ATP13A4: variants seen among roughly 807,000 people sequenced by gnomAD.
ATP13A4 encodes the protein probable cation-transporting ATPase 13A4.
A neutral mutation model predicts 142.5 loss-of-function variants in ATP13A4; 114 were observed. The observed-to-expected ratio is 0.80, with a 90% confidence interval of 0.69 to 0.93. ATP13A4 has a LOEUF of 0.93. Among genes scored for constraint, ATP13A4 ranks in the 40% least tolerant of loss-of-function variants. The pLI is 0.00. For synonymous variants in ATP13A4, 488 were observed against 514.8 expected, an observed-to-expected ratio of 0.95 and a Z score of 0.70; for missense variants, 1,392 against 1,454.0, an observed-to-expected ratio of 0.96 and a Z score of 0.69.
chr3:193,427,312 C>A (rs941375345), intron 25 of ATP13A4, among the ~76,000 whole-genome samples: 6 of 152,122 alleles, frequency 3.9e-5, no homozygotes, highest in Non-Finnish European at 8.8e-5. Context: ...AGGACACAAA[C>A]AAATGGAAAA....
chr3:193,537,809 C>CCA (rs1200132820), intron 1 of ATP13A4, among the ~76,000 whole-genome samples: 1 of 152,034 alleles, frequency 6.6e-6, no homozygotes, highest in Non-Finnish European at 1.5e-5. Context: ...CAACCTGGGT[C>CCA]AATTTCCAAA....
upstream of ATP13A4, among the ~76,000 whole-genome samples, chr3:193,559,923 C>G (rs1221673386): frequency 1.3e-5 from 2 of 152,122 alleles, no homozygotes; most frequent in Non-Finnish European, 2.9e-5. Context: ...AAAACAAAAT[C>G]CAAAAGAGAT....
intron 1 of ATP13A4, among the ~76,000 whole-genome samples, chr3:193,529,839 TA>T (rs1722220506): frequency 6.6e-6 from 1 of 152,232 alleles, no homozygotes; most frequent in Non-Finnish European, 1.5e-5. Context: ...AGTTTGGCTC[TA>T]AACCAAACGA....
intron 8 of ATP13A4, among the ~76,000 whole-genome samples, chr3:193,471,405 CA>C (rs1168931214): frequency 6.6e-6 from 1 of 151,494 alleles, no homozygotes; most frequent in Non-Finnish European, 1.5e-5. Flanking sequence ...CTATCTTCAC[CA>C]AAAAATAAAA....
rs1333394485 is a variant in ATP13A4, at chr3:193,442,494, T to C, written c.2215A>G (p.Lys739Glu). 2 of 1,613,962 alleles carry C rather than the reference T, an allele frequency of 1.2e-6. No homozygotes were observed. The highest frequency in any genetic ancestry group is 2.2e-5 in the East Asian group (1 of 44,888). ...RKSGMVSESQ[K>E]VILIEANETT... is the part of the protein sequence containing the mutation. ...TCATTTGCCTCAATGAGAATGACTT[T>C]CTGGCTTTCAGAAACCATTCCAGAT... is the stretch of plus-strand genomic sequence containing the variant. Residue 739 changes from lysine to glutamate, a missense_variant, in exon 19 of 30, where the codon AAA becomes GAA. Coordinates refer to ENST00000342695, the MANE Select transcript of ATP13A4 (RefSeq NM_032279.4).
chr3:193,528,549 T>C (rs1017622298), intron 1 of ATP13A4, among the ~76,000 whole-genome samples: 1 of 152,116 alleles, frequency 6.6e-6, no homozygotes, highest in Non-Finnish European at 1.5e-5. Flanking sequence ...TTTGGGAGAA[T>C]AGTGGGGCAT....
chr3:193,417,769 A>T (rs1715147316), intron 25 of ATP13A4, among the ~76,000 whole-genome samples: 1 of 150,330 alleles, frequency 6.7e-6, no homozygotes, highest in Admixed American at 6.8e-5. Context: ...GTGGATCACG[A>T]GGTCAGGAGA....
intron 26 of ATP13A4, among the ~76,000 whole-genome samples, chr3:193,412,945 A>G (rs1037589372): frequency 6.6e-6 from 1 of 152,132 alleles, no homozygotes; most frequent in African/African-American, 2.4e-5. Context: ...AATTGCTTGA[A>G]TCCAAAGGCA....
intron 25 of ATP13A4, among the ~76,000 whole-genome samples, chr3:193,415,855 T>G (rs779063652): frequency 6.6e-6 from 1 of 152,224 alleles, no homozygotes; most frequent in Non-Finnish European, 1.5e-5. Context: ...CATCTGTGTA[T>G]GCTGGGAAAT....
At chr3:193,516,440 T>C (rs1721418721) in intron 1 of ATP13A4, among the ~76,000 whole-genome samples, 1 of 152,226 alleles carries the variant, frequency 6.6e-6, no homozygotes, top group Non-Finnish European at 1.5e-5. Flanking sequence ...ACATGAATAC[T>C]CTTCTGCTCC....
chr3:193,590,383 A>C (rs1208065608), intron 1 of ATP13A4, among the ~76,000 whole-genome samples: 5 of 152,158 alleles, frequency 3.3e-5, no homozygotes, highest in African/African-American at 1.2e-4. Flanking sequence ...AATATACCGC[A>C]AAAAAGCAGT....
chr3:193,591,700 G>C (rs1427151428), intron 1 of ATP13A4, among the ~76,000 whole-genome samples: 1 of 152,104 alleles, frequency 6.6e-6, no homozygotes, highest in African/African-American at 2.4e-5. Context: ...GCAAAACAAG[G>C]GCTTCATAAA....
intron 1 of ATP13A4, among the ~76,000 whole-genome samples, chr3:193,550,855 T>C (rs1339920544): frequency 1.3e-5 from 2 of 152,184 alleles, no homozygotes; most frequent in Admixed American, 6.5e-5. Flanking sequence ...TGTTAAGGTG[T>C]AACTAAAGAG....
At chr3:193,584,613 C>CT (rs775668272) in intron 1 of ATP13A4, among the ~76,000 whole-genome samples, 5 of 109,308 alleles carry the variant, frequency 4.6e-5, no homozygotes, top group South Asian at 2.7e-4. Context: ...CACTTTTCTT[C>CT]TATTTTTTTT....
chr3:193,489,594 G>A, intron 7 of ATP13A4, 136 bp downstream of exon 7: 3 of 866,700 alleles, frequency 3.5e-6, no homozygotes, highest in Non-Finnish European at 5.6e-6. Flanking sequence ...TGGTTACTGT[G>A]CTAGGTATTT....
intron 1 of ATP13A4, among the ~76,000 whole-genome samples, chr3:193,536,055 C>T (rs1178807223): frequency 6.6e-6 from 1 of 151,774 alleles, no homozygotes; most frequent in Non-Finnish European, 1.5e-5. Context: ...GTCTACCAAA[C>T]ATTGAAAGAA....
At chr3:193,460,059 A>G (rs1312382451) in intron 13 of ATP13A4, among the ~76,000 whole-genome samples, 1 of 152,116 alleles carries the variant, frequency 6.6e-6, no homozygotes, top group Admixed American at 6.5e-5. Flanking sequence ...TGGAAGCTTC[A>G]TCCTACATTG....
chr3:193,518,716 T>C (rs1485265890), intron 1 of ATP13A4, among the ~76,000 whole-genome samples: 3 of 152,228 alleles, frequency 2.0e-5, no homozygotes, highest in Non-Finnish European at 2.9e-5. Flanking sequence ...CCTCAAGTCT[T>C]AGGAGAAAAA....
At chr3:193,527,229 G>A (rs954082060) in intron 1 of ATP13A4, among the ~76,000 whole-genome samples, 2 of 152,146 alleles carry the variant, frequency 1.3e-5, no homozygotes, top group African/African-American at 4.8e-5. Context: ...GGAGGGACCT[G>A]GTGGGAGGTG....
Sources: allele counts gnomAD v4.1 joint callset (sites outside exome capture counted in the v4.1 genomes callset), GRCh38; gene constraint gnomAD v4.1.1; transcripts MANE v1.5; gene names NCBI Gene and HGNC (gene_info 2026-07-23, HGNC 2026-07-21).